PTPN23: variants seen among roughly 807,000 people sequenced by gnomAD.
PTPN23 encodes the protein protein tyrosine phosphatase non-receptor type 23, also known as tyrosine-protein phosphatase non-receptor type 23.
A neutral mutation model predicts 156.3 loss-of-function variants in PTPN23; 72 were observed. The ratio of observed to expected loss-of-function variants is 0.46; its 90% CI spans 0.38 to 0.56. The LOEUF (loss-of-function observed/expected upper bound fraction) is 0.56, where lower values mean the gene tolerates loss of function less well. PTPN23 is among the 20% of genes least tolerant of loss of function. The probability of loss-of-function intolerance (pLI) is 0.00; values close to 1 mark genes in which losing one functional copy is unlikely to be tolerated. For missense variants in PTPN23, 1,974 were observed against 2,171.5 expected (o/e 0.91, Z 1.81); for synonymous variants, 957 against 899.6 (o/e 1.06, Z -1.14).
chr3:47,408,672 A>C, intron 15 of PTPN23, 104 bp from the exon 16 acceptor site: 1 of 1,456,248 alleles, frequency 6.9e-7, no homozygotes, highest in Non-Finnish European at 9.3e-7. Context: ...GCTGGGCCTC[A>C]CTTAAGCCCT....
rs547728599 is a variant in PTPN23 at position 47,406,806 on chromosome 3, G to A, written c.807+56G>A. ...CAATGGCAGCCTTCAGTGAGATGCC[G>A]GTGTGCTCCCGCTCCTTACACACCA... On this transcript the variant is annotated intron_variant, in intron 9 of 24. Transcript: ENST00000265562. This position sits in a 1 kb window ranked among gnomAD's most constrained non-coding sequence, Gnocchi z 5.8. 23 of 1,600,730 alleles carry A rather than the reference G, an allele frequency of 1.4e-5. No homozygotes were observed. Among genetic ancestry groups the A allele is most frequent in the African/African-American group, 2.7e-5 (2 of 74,778 alleles).
Position 47,413,383 on chromosome 3 carries a change from C to T in PTPN23, c.*198C>T. 1.5e-6 allele frequency: 1 copy of T among 678,726 alleles called. No homozygotes were observed. The highest frequency in any genetic ancestry group is 2.4e-6 in the Non-Finnish European group (1 of 422,074). The allele number at this position is 678,726 out of a possible 1,614,324, so 42.0% of individuals were successfully genotyped here. On this transcript the variant is annotated 3_prime_UTR_variant, in exon 25 of 25. Coordinates refer to ENST00000265562, the MANE Select transcript of PTPN23 (RefSeq NM_015466.4). ...GGTCAGGTTCTGCTCCTTTATGGGA[C>T]CCGACATTTTTCAGCTCTTTGCTAT... is the stretch of plus-strand genomic sequence containing the variant.
chr3:47,402,911 G>A (rs559330887), intron 2 of PTPN23, among the ~76,000 whole-genome samples: 76 of 151,268 alleles, frequency 5.0e-4, no homozygotes, highest in Middle Eastern at 3.2e-3. Flanking sequence ...TCACCATGTT[G>A]GCCAGGCTGG....
At position 47,409,965 on chromosome 3, in the gene PTPN23, C is replaced by G. The variant is rs200116483; in HGVS notation, c.2167C>G (p.Pro723Ala). The part of the protein sequence containing the change: ...KKKPPPRPTA[P>A]KPLLPRREES... ...GAAGCCGCCGCCACGGCCCACAGCC[C>G]CAAAGCCGCTGCTGCCCCGCAGGGA... Residue 723 changes from proline to alanine, a missense_variant, in exon 20 of 25, where the codon CCA becomes GCA. This residue lies in a region of PTPN23 where 731 missense variants were observed against 669.1 expected (regional missense o/e 1.09). Coordinates refer to ENST00000265562, the MANE Select transcript of PTPN23 (RefSeq NM_015466.4). 8.0e-5 allele frequency: 127 copies of G among 1,579,440 alleles called. No homozygotes were observed. The highest frequency in any genetic ancestry group is 1.0e-4 in the Non-Finnish European group (121 of 1,165,242).
chr3:47,388,664 CTTTTTTTT>C (rs35817505), intron 1 of PTPN23, among the ~76,000 whole-genome samples: 1 of 127,000 alleles, frequency 7.9e-6, no homozygotes, highest in Admixed American at 8.6e-5. Flanking sequence ...ACTACTAGAT[CTTTTTTTT>C]TTTTTTTTTT....
Position 47,407,164 on chromosome 3 carries a change from A to G in PTPN23, c.842A>G (p.Asn281Ser), listed in dbSNP as rs776155627. The change falls in exon 10 of 25, where the codon AAT (asparagine) becomes AGT (serine). Residue 281 changes from asparagine (N) to serine (S), a missense_variant. By Grantham distance (46) the Asn-to-Ser change is conservative (BLOSUM62 1). This residue lies in a region of PTPN23 where 726 missense variants were observed against 929.5 expected (regional missense o/e 0.78). Transcript: ENST00000265562. This position sits in a 1 kb window ranked among gnomAD's most constrained non-coding sequence, Gnocchi z 4.0. ...AYFQSALDKL[N>S]EAIKLAKGQP... The stretch of plus-strand genomic sequence containing the variant: ...TTCCAGAGCGCCCTGGACAAGCTCA[A>G]TGAAGCCATCAAGTTGGCCAAGGTA... 1.1e-5 allele frequency: 18 copies of G among 1,613,960 alleles called. No individual in the cohort carries two copies. Among genetic ancestry groups the G allele is most frequent in the East Asian group, 8.9e-5 (4 of 44,890 alleles).
At chr3:47,404,511 A>C in intron 2 of PTPN23, 141 bp from the exon 3 acceptor site, 3 of 1,031,342 alleles carry the variant, frequency 2.9e-6, no homozygotes, top group Non-Finnish European at 2.9e-6. Flanking sequence ...GACTATAGGT[A>C]TAGCCATGGA....
At chr3:47,404,057 C>A (rs1280795925) in intron 2 of PTPN23, among the ~76,000 whole-genome samples, 2 of 152,026 alleles carry the variant, frequency 1.3e-5, no homozygotes, top group African/African-American at 4.8e-5. Flanking sequence ...ATGGCAAAAC[C>A]CTGTCTCTAT....
chr3:47,406,156 G>C lies in PTPN23; in HGVS notation c.546+110G>C. 1 of 1,515,850 alleles carries C rather than the reference G, an allele frequency of 6.6e-7. No homozygotes were observed. Among genetic ancestry groups the C allele is most frequent in the South Asian group, 1.2e-5 (1 of 80,772 alleles). The allele number at this position is 1,515,850 out of a possible 1,614,324, so 93.9% of individuals were successfully genotyped here. The stretch of plus-strand genomic sequence containing the variant: ...CAAGGCAGTGAGGGACAAGCAAGGG[G>C]CCTTGGCTTTGTTGAATCAGGAGCA... On this transcript the variant is annotated intron_variant, in intron 6 of 24. Coordinates refer to ENST00000265562, the MANE Select transcript of PTPN23 (RefSeq NM_015466.4). This position sits in a 1 kb window ranked among gnomAD's most constrained non-coding sequence, Gnocchi z 5.8.
At chr3:47,394,558 C>CT (rs2107701410) in intron 1 of PTPN23, among the ~76,000 whole-genome samples, 1 of 152,210 alleles carries the variant, frequency 6.6e-6, no homozygotes, top group East Asian at 1.9e-4. Flanking sequence ...AGGCTGATCT[C>CT]TAATTCCTGA....
At position 47,411,707 on chromosome 3, in the gene PTPN23, C is replaced by T; in HGVS notation, c.3888+21C>T. The T allele has an allele frequency of 6.3e-7, 1 of 1,595,880 alleles. No homozygotes were observed. Among genetic ancestry groups the T allele is most frequent in the Non-Finnish European group, 8.6e-7 (1 of 1,167,708 alleles). ...AGAAGGTGAGAAGAGGGGGTGGGTGCCCACGAGGGCAGTGTGGGGTGGCAG... is the reference window on the plus strand; with the variant it reads ...AGAAGGTGAGAAGAGGGGGTGGGTGTCCACGAGGGCAGTGTGGGGTGGCAG... On this transcript the variant is annotated intron_variant, in intron 20 of 24. Transcript: ENST00000265562. This position sits in a 1 kb window ranked among gnomAD's most constrained non-coding sequence, Gnocchi z 6.3.
rs764107541 is a variant in PTPN23, at chr3:47,396,225, G to C, written c.159+8G>C. 8.1e-6 allele frequency: 13 copies of C among 1,606,210 alleles called. No individual in the cohort carries two copies. Among genetic ancestry groups the C allele is most frequent in the Admixed American group, 5.0e-5 (3 of 59,646 alleles). ...CTGGAGTTGCTCAGACAGGTAGGAG[G>C]ATAGTATTATCTTTTTATGCATGGG... is the stretch of plus-strand genomic sequence containing the variant. On this transcript the variant is annotated splice_region_variant and intron_variant, in intron 2 of 24. Coordinates refer to ENST00000265562, the MANE Select transcript of PTPN23 (RefSeq NM_015466.4).
At position 47,411,768 on chromosome 3, in the gene PTPN23, T is replaced by A. The variant is rs768236868; in HGVS notation, c.3889-15T>A. The A allele has an allele frequency of 2.5e-6, 4 of 1,600,818 alleles. No homozygotes were observed. In the East Asian group the frequency reaches 9.0e-5, roughly 36 times the overall value. On this transcript the variant is annotated splice_polypyrimidine_tract_variant and intron_variant, in intron 20 of 24. Transcript: ENST00000265562. The surrounding 1 kb of genome is among the most constrained non-coding windows in gnomAD (Gnocchi z 6.3). The stretch of plus-strand genomic sequence containing the variant: ...CCTGGAAAACCAGGTCTGTCTTGGC[T>A]TATCTGTCCCTCAGCAAAAAGTGGC...
At position 47,406,828 on chromosome 3, in the gene PTPN23, A is replaced by G; in HGVS notation, c.807+78A>G. 3 of 1,564,520 alleles carry G rather than the reference A, an allele frequency of 1.9e-6. No homozygotes were observed. The highest frequency in any genetic ancestry group is 2.1e-4 in the Middle Eastern group (1 of 4,852). On this transcript the variant is annotated intron_variant, in intron 9 of 24. Coordinates refer to ENST00000265562, the MANE Select transcript of PTPN23 (RefSeq NM_015466.4). This position sits in a 1 kb window ranked among gnomAD's most constrained non-coding sequence, Gnocchi z 5.8. Reference sequence around the variant, plus strand: ...GCCGGTGTGCTCCCGCTCCTTACACACCAGGGGGTGGCCTTCTCTGTCTCA... The same window carrying G: ...GCCGGTGTGCTCCCGCTCCTTACACGCCAGGGGGTGGCCTTCTCTGTCTCA...
intron 2 of PTPN23, among the ~76,000 whole-genome samples, chr3:47,403,437 C>T (rs1302291807): frequency 6.6e-6 from 1 of 152,028 alleles, no homozygotes; most frequent in African/African-American, 2.4e-5. Flanking sequence ...CTTTAGTTTT[C>T]ATGGCTGCAG....
In PTPN23 at chr3:47,411,891, G is replaced by T. The variant is rs750463419; in HGVS notation, c.3997G>T (p.Val1333Leu). ...CAGCACCGAAACCCATGTGGAGCGCGTGCTGAGCCTGCAGTTCCGAGACCA... is the reference window on the plus strand; with the variant it reads ...CAGCACCGAAACCCATGTGGAGCGCTTGCTGAGCCTGCAGTTCCGAGACCA... The part of the protein sequence containing the change: ...VRSTETHVER[V>L]LSLQFRDQSL... The change falls in exon 21 of 25, where the codon GTG (valine) becomes TTG (leucine). Residue 1333 changes from valine to leucine, a missense_variant. Physicochemically the swap from Val to Leu is conservative, Grantham distance 32 (BLOSUM62 1). Around this residue, in one of 4 missense-constraint regions of PTPN23, gnomAD observed 484 missense variants for 516.0 expected, o/e 0.94. Coordinates refer to ENST00000265562, the MANE Select transcript of PTPN23 (RefSeq NM_015466.4). The surrounding 1 kb of genome is among the most constrained non-coding windows in gnomAD (Gnocchi z 6.3). The T allele has an allele frequency of 6.2e-7, 1 of 1,613,410 alleles. No individual in the cohort carries two copies. Among genetic ancestry groups the T allele is most frequent in the Non-Finnish European group, 8.5e-7 (1 of 1,180,022 alleles).
chr3:47,408,651 G>C (rs1280384902), intron 15 of PTPN23, 125 bp from the exon 16 acceptor site: 1 of 1,423,636 alleles, frequency 7.0e-7, no homozygotes, highest in African/African-American at 1.4e-5. Flanking sequence ...CTTGCACCCT[G>C]CTCAGTGTGC....
chr3:47,384,593 C>T (rs974461067), intron 1 of PTPN23, among the ~76,000 whole-genome samples: 4 of 151,502 alleles, frequency 2.6e-5, no homozygotes, highest in Non-Finnish European at 2.9e-5. Flanking sequence ...TAAAGGGGTT[C>T]GTTGTTTGAG....
intron 1 of PTPN23, among the ~76,000 whole-genome samples, chr3:47,385,069 C>T (rs935993527): frequency 2.0e-5 from 3 of 152,084 alleles, no homozygotes; most frequent in Non-Finnish European, 4.4e-5. Flanking sequence ...GCCAGACCCA[C>T]GTAATTTTTT....
Sources: gnomAD v4.1 joint callset for allele counts (sites outside exome capture counted in the v4.1 genomes callset) on GRCh38, gnomAD v4.1.1 for gene constraint, gnomAD v4.1.1 regional missense constraint, Gnocchi (gnomAD v3.1) non-coding constraint, MANE v1.5 for transcripts, NCBI Gene and HGNC (gene_info 2026-07-23, HGNC 2026-07-21) for gene names.